MAP3K13: variants seen among roughly 807,000 people sequenced by gnomAD.
MAP3K13 encodes the protein mitogen-activated protein kinase kinase kinase 13, also known as leucine zipper-bearing kinase.
MAP3K13 carries 52 observed loss-of-function variants against 104.0 expected under a neutral mutation model. The observed-to-expected ratio is 0.50, with a 90% CI of 0.40 to 0.63. The LOEUF is 0.63. Ranked by LOEUF, MAP3K13 falls within the 20% of genes least tolerant of loss-of-function variation. The pLI is 0.00. For synonymous variants in MAP3K13, 394 were observed against 442.2 expected (o/e 0.89, Z 1.37); for missense variants, 914 against 1,218.5 (o/e 0.75, Z 3.72).
At chr3:185,406,023 G>C (rs1430952803) in intron 1 of MAP3K13, among the ~76,000 whole-genome samples, 1 of 152,204 alleles carries the variant, frequency 6.6e-6, no homozygotes, top group Non-Finnish European at 1.5e-5. Flanking sequence ...TTTTGTAAGA[G>C]AGAAATAATA....
intron 2 of MAP3K13, among the ~76,000 whole-genome samples, chr3:185,310,028 G>C (rs1721441878): frequency 6.6e-6 from 1 of 152,178 alleles, no homozygotes; most frequent in Non-Finnish European, 1.5e-5. Context: ...GAGGGACAAG[G>C]ATGGAGAGAG....
At chr3:185,290,221 T>C (rs1720682802) in intron 2 of MAP3K13, among the ~76,000 whole-genome samples, 1 of 152,140 alleles carries the variant, frequency 6.6e-6, no homozygotes, top group African/African-American at 2.4e-5. Context: ...GATGGCATGC[T>C]TGAAAAAACT....
rs896109740 is a variant in MAP3K13, at chr3:185,487,671, T to C, written c.*5215T>C. On this transcript the variant is annotated 3_prime_UTR_variant, in exon 14 of 14. Coordinates refer to ENST00000265026, the MANE Select transcript of MAP3K13 (RefSeq NM_004721.5). ...TAATATTTATAATCCATAGAATTCC[T>C]GCCCTGCTCTGCAGTAGAGTGTGCT... is the stretch of plus-strand genomic sequence containing the variant. 3 of 152,188 alleles carry C rather than the reference T, an allele frequency of 2.0e-5. No individual in the cohort carries two copies. Among genetic ancestry groups the C allele is most frequent in the Non-Finnish European group, 4.4e-5 (3 of 68,024 alleles). The allele number at this position is 152,188 out of a possible 1,614,324, so 9.4% of individuals were successfully genotyped here.
chr3:185,478,834 C>T (rs1313128088), intron 12 of MAP3K13, among the ~76,000 whole-genome samples: 21 of 150,358 alleles, frequency 1.4e-4, no homozygotes, highest in Non-Finnish European at 2.1e-4. Context: ...ATGGCACCAC[C>T]GCACTCCAGC....
intron 5 of MAP3K13, among the ~76,000 whole-genome samples, chr3:185,448,933 A>G (rs557243862): frequency 6.6e-6 from 1 of 152,344 alleles, no homozygotes; most frequent in African/African-American, 2.4e-5. Context: ...TATTTTATGT[A>G]TTAAGGAGAT....
chr3:185,309,221 AG>A (rs566509472), intron 2 of MAP3K13, among the ~76,000 whole-genome samples: 4 of 152,324 alleles, frequency 2.6e-5, no homozygotes, highest in African/African-American at 9.6e-5. Flanking sequence ...GCTCATAAAA[AG>A]ATTGAGGCTG....
At chr3:185,365,674 T>A (rs6769142) in intron 1 of MAP3K13, among the ~76,000 whole-genome samples, 2,434 of 151,534 alleles carry the variant, frequency 0.016, 72 homozygotes, top group African/African-American at 0.056. Flanking sequence ...AAAATAAAAA[T>A]AAAAAAATCA....
In MAP3K13 at chr3:185,484,962, C is replaced by G. The variant is rs934641024; in HGVS notation, c.*2506C>G. The G allele has an allele frequency of 1.3e-5, 2 of 152,044 alleles. No individual in the cohort carries two copies. The highest frequency in any genetic ancestry group is 2.9e-5 in the Non-Finnish European group (2 of 68,010). 9.4% of individuals were successfully genotyped at this position (152,044 alleles called of 1,614,324 possible). On this transcript the variant is annotated 3_prime_UTR_variant, in exon 14 of 14. Transcript: ENST00000265026. ...CTGGTATTGATCTTAGCTGTGTTCC[C>G]TAATTTTCTGTGTACAACAATCATC... is the stretch of plus-strand genomic sequence containing the variant.
chr3:185,479,623 T>C (rs1718331157), intron 12 of MAP3K13, among the ~76,000 whole-genome samples: 1 of 152,182 alleles, frequency 6.6e-6, no homozygotes, highest in Admixed American at 6.6e-5. Flanking sequence ...TTTAGTCACA[T>C]AAATATATAA....
chr3:185,447,548 C>G (rs1211474157), intron 4 of MAP3K13, among the ~76,000 whole-genome samples: 1 of 132,408 alleles, frequency 7.6e-6, no homozygotes, highest in African/African-American at 2.8e-5. Flanking sequence ...GCAAAGGTCA[C>G]ACAGCAAGTA....
chr3:185,451,330 A>C lies in MAP3K13; in HGVS notation c.1213A>C (p.Met405Leu). 1 of 1,613,766 alleles carries C rather than the reference A, an allele frequency of 6.2e-7. No individual in the cohort carries two copies. The change falls in exon 7 of 14, where the codon ATG (methionine) becomes CTG (leucine). Residue 405 changes from methionine (M) to leucine (L), a missense_variant. Transcript: ENST00000265026. Reference protein sequence around the residue: ...RNRPSFRQTLMHLDIASADVL... With the variant: ...RNRPSFRQTLLHLDIASADVL... ...CCGACCTTCTTTTCGGCAGACACTC[A>C]TGCATTTAGACATTGCCTCTGCAGA...
rs767142928 is a variant in MAP3K13 at position 185,475,533 on chromosome 3, TGA to T, written c.2430+1773_2430+1774del. Among the ~76,000 whole-genome samples the T allele has an allele frequency of 3.4e-3, 511 of 152,284 alleles. 1 individual carries two copies. Among genetic ancestry groups the T allele is most frequent in the Non-Finnish European group, 6.1e-3 (415 of 68,018 alleles). ...TCCACCTACATTGCTGCTCCTATAC[TGA>T]CTAAGCAGTCCCAGAGATTAAATTG... On this transcript the variant is annotated intron_variant, in intron 11 of 13. Transcript: ENST00000265026.
intron 2 of MAP3K13, among the ~76,000 whole-genome samples, chr3:185,437,129 A>C (rs1715083143): frequency 6.6e-6 from 1 of 152,006 alleles, no homozygotes; most frequent in Non-Finnish European, 1.5e-5. Context: ...GCATAGAGAC[A>C]GACGGGTAAA....
At chr3:185,431,799 T>C in intron 2 of MAP3K13, among the ~76,000 whole-genome samples, 1 of 152,164 alleles carries the variant, frequency 6.6e-6, no homozygotes, top group Non-Finnish European at 1.5e-5. Flanking sequence ...TTAAACCAAA[T>C]ACCAACTCCT....
intron 2 of MAP3K13, among the ~76,000 whole-genome samples, chr3:185,337,166 A>G (rs903661213): frequency 6.6e-6 from 1 of 152,188 alleles, no homozygotes; most frequent in Admixed American, 6.5e-5. Context: ...CAGCCTCCCA[A>G]AGTGCTAGGA....
chr3:185,303,751 C>G (rs1416932864), intron 2 of MAP3K13, among the ~76,000 whole-genome samples: 1 of 151,448 alleles, frequency 6.6e-6, no homozygotes, highest in Non-Finnish European at 1.5e-5. Flanking sequence ...ATTTTGTTGC[C>G]TTTTTTAAAA....
rs201104919 is a variant in MAP3K13 at position 185,317,312 on chromosome 3, T to C, written c.-86+31669T>C. Among the ~76,000 whole-genome samples, 51 of 152,274 alleles carry C rather than the reference T, an allele frequency of 3.3e-4. No individual in the cohort carries two copies. In the East Asian group the frequency reaches 7.1e-3, roughly 21 times the overall value. On this transcript the variant is annotated intron_variant, in intron 2 of 14. Coordinates refer to the MAP3K13 transcript ENST00000424227. ...GGTGTGGCCAGGTCGGGGAAATATT[T>C]TGTTTCTGCTCTAAATTGTCCTTCC... is the stretch of plus-strand genomic sequence containing the variant.
rs1446050021 is a variant in MAP3K13, at chr3:185,455,264, G to A, written c.1278+3869G>A. Among the ~76,000 whole-genome samples the A allele has an allele frequency of 6.2e-4, 16 of 25,660 alleles. 1 individual carries two copies. Among genetic ancestry groups the A allele is most frequent in the African/African-American group, 1.1e-3 (14 of 13,224 alleles). The allele number at this position is 25,660 out of a possible 152,430, so 16.8% of individuals were successfully genotyped here. A position where few individuals can be genotyped will look rare whatever the true frequency, so the allele number is the denominator to read the frequency against. ...TATATATGATATATATGAGATATAT[G>A]AGATATATATGAGATATATGAGATA... is the stretch of plus-strand genomic sequence containing the variant. On this transcript the variant is annotated intron_variant, in intron 7 of 13. Coordinates refer to ENST00000265026, the MANE Select transcript of MAP3K13 (RefSeq NM_004721.5).
At chr3:185,391,627 C>G (rs1712057091) in intron 1 of MAP3K13, among the ~76,000 whole-genome samples, 1 of 152,128 alleles carries the variant, frequency 6.6e-6, no homozygotes, top group South Asian at 2.1e-4. Context: ...CTTGGTTGAA[C>G]ATAGGAAATC....
Sources: gnomAD v4.1 joint callset for allele counts (sites outside exome capture counted in the v4.1 genomes callset) on GRCh38, gnomAD v4.1.1 for gene constraint, MANE v1.5 for transcripts, NCBI Gene and HGNC (gene_info 2026-07-23, HGNC 2026-07-21) for gene names.